EBF3: variants seen among roughly 807,000 people sequenced by gnomAD.
EBF3 encodes transcription factor COE3.
EBF3 carries 18 observed loss-of-function variants against 77.1 expected under a neutral mutation model. The observed-to-expected ratio is 0.23, with a 90% CI of 0.16 to 0.35. The LOEUF (loss-of-function observed/expected upper bound fraction) is 0.35, where lower values mean the gene tolerates loss of function less well. EBF3 is among the 10% of genes least tolerant of loss of function. The pLI is 1.00. For missense variants in EBF3, 558 were observed against 860.0 expected, an observed-to-expected ratio of 0.65 and a Z score of 4.39; for synonymous variants, 350 against 343.5, an observed-to-expected ratio of 1.02 and a Z score of -0.21.
chr10:129,920,482 G>A (rs1019022219), intron 6 of EBF3, among the ~76,000 whole-genome samples: 38 of 152,374 alleles, frequency 2.5e-4, no homozygotes, highest in Admixed American at 1.4e-3. Flanking sequence ...CATACCTGGA[G>A]CGACTCTGGG....
chr10:129,906,855 G>GA (rs565214750), intron 6 of EBF3, among the ~76,000 whole-genome samples: 15 of 149,628 alleles, frequency 1.0e-4, no homozygotes, highest in East Asian at 7.8e-4. Flanking sequence ...AAGTACCAGG[G>GA]AAAAAAAAAA....
intron 6 of EBF3, among the ~76,000 whole-genome samples, chr10:129,929,071 T>A (rs1265485295): frequency 1.3e-5 from 2 of 152,206 alleles, no homozygotes; most frequent in African/African-American, 4.8e-5. Flanking sequence ...TTCAGAATGA[T>A]GGAGTTTCAT....
In EBF3 at chr10:129,850,504, T is replaced by C. The variant is rs749339999; in HGVS notation, c.1040-2024A>G. ...TGCCAAGAATAAGCGCGGCACTCCATTGGAAGTTCGGATGTGAGGCGTAAT... is the reference window on the plus strand; with the variant it reads ...TGCCAAGAATAAGCGCGGCACTCCACTGGAAGTTCGGATGTGAGGCGTAAT... On this transcript the variant is annotated intron_variant, in intron 10 of 16. Transcript: ENST00000440978. Among the ~76,000 whole-genome samples, 7 of 152,150 alleles carry C rather than the reference T, an allele frequency of 4.6e-5. No homozygotes were observed. In the East Asian group the frequency reaches 5.8e-4, roughly 13 times the overall value.
chr10:129,952,535 G>A lies in EBF3; in HGVS notation c.554+4723C>T, dbSNP rs938697556. On this transcript the variant is annotated intron_variant, in intron 6 of 16. Transcript: ENST00000440978. The surrounding 1 kb of genome is among the most constrained non-coding windows in gnomAD (Gnocchi z 4.7). Reference sequence around the variant, plus strand: ...TTTACATAGCATTTTTAACAAAAGCGTTGACCTTATAAATGCTGGCATTTG... The same window carrying A: ...TTTACATAGCATTTTTAACAAAAGCATTGACCTTATAAATGCTGGCATTTG... Among the ~76,000 whole-genome samples the A allele has an allele frequency of 2.6e-5, 4 of 152,136 alleles. No individual in the cohort carries two copies. Among genetic ancestry groups the A allele is most frequent in the East Asian group, 1.9e-4 (1 of 5,194 alleles).
At chr10:129,941,892 T>C (rs1475167286) in intron 6 of EBF3, among the ~76,000 whole-genome samples, 1 of 152,208 alleles carries the variant, frequency 6.6e-6, no homozygotes, top group East Asian at 1.9e-4. Context: ...CAGGGCCAGG[T>C]GCTGGGTGAG....
At chr10:129,911,952 C>A (rs1363451253) in intron 6 of EBF3, among the ~76,000 whole-genome samples, 1 of 152,168 alleles carries the variant, frequency 6.6e-6, no homozygotes, top group African/African-American at 2.4e-5. Context: ...CCCAGAGCAA[C>A]GCACGGCCCA....
intron 6 of EBF3, among the ~76,000 whole-genome samples, chr10:129,927,186 G>A (rs1286687607): frequency 1.3e-5 from 2 of 152,170 alleles, no homozygotes; most frequent in Admixed American, 1.3e-4. Flanking sequence ...AAAAATGCCC[G>A]TTCCCATTCT....
chr10:129,884,029 T>C (rs954521978), intron 6 of EBF3, among the ~76,000 whole-genome samples: 1 of 152,204 alleles, frequency 6.6e-6, no homozygotes, highest in Non-Finnish European at 1.5e-5. Context: ...TTTACTGTGC[T>C]ATTGAAATGA....
chr10:129,898,542 C>T (rs11596229), intron 6 of EBF3, among the ~76,000 whole-genome samples: 21,303 of 152,218 alleles, frequency 0.14, 1,930 homozygotes, highest in Admixed American at 0.21. Context: ...CCATGGCTCA[C>T]AAGCACGGTT....
chr10:129,937,147 G>A (rs1050506963), intron 6 of EBF3, among the ~76,000 whole-genome samples: 5 of 152,180 alleles, frequency 3.3e-5, no homozygotes, highest in South Asian at 2.1e-4. Context: ...CAATCGTGCC[G>A]GGAACAAGAT....
chr10:129,896,850 C>T (rs1461647021), intron 6 of EBF3, among the ~76,000 whole-genome samples: 1 of 152,234 alleles, frequency 6.6e-6, no homozygotes, highest in African/African-American at 2.4e-5. Context: ...GCAGGGGAGT[C>T]GACCATTAAA....
intron 6 of EBF3, among the ~76,000 whole-genome samples, chr10:129,895,462 C>T (rs935709883): frequency 1.3e-5 from 2 of 152,260 alleles, no homozygotes; most frequent in African/African-American, 4.8e-5. Flanking sequence ...ACTGGAGAAG[C>T]TCCCTTGTTC....
intron 6 of EBF3, among the ~76,000 whole-genome samples, chr10:129,887,944 C>T (rs181580443): frequency 1.7e-3 from 253 of 152,246 alleles, no homozygotes; most frequent in African/African-American, 5.6e-3. Flanking sequence ...TAGGGAAGCC[C>T]GGGACCATGC....
At chr10:129,959,356 C>G (rs1254989646) in intron 4 of EBF3, among the ~76,000 whole-genome samples, 1 of 151,994 alleles carries the variant, frequency 6.6e-6, no homozygotes, top group Admixed American at 6.5e-5. Flanking sequence ...GCACCGACCC[C>G]GGAACCCGGG....
chr10:129,912,273 C>G (rs1018934780), intron 6 of EBF3, among the ~76,000 whole-genome samples: 3 of 152,178 alleles, frequency 2.0e-5, no homozygotes, highest in Non-Finnish European at 4.4e-5. Context: ...TCCCCACTAT[C>G]AACAGTGTGG....
At chr10:129,937,083 G>A (rs1454438180) in intron 6 of EBF3, among the ~76,000 whole-genome samples, 6 of 152,204 alleles carry the variant, frequency 3.9e-5, no homozygotes, top group African/African-American at 9.7e-5. Context: ...GCTGCAGTGA[G>A]GAGGAGCCCA....
chr10:129,932,765 G>A (rs532828070), intron 6 of EBF3, among the ~76,000 whole-genome samples: 1 of 152,276 alleles, frequency 6.6e-6, no homozygotes, highest in South Asian at 2.1e-4. Flanking sequence ...TGCACAACTC[G>A]CTGACAGAGC....
intron 6 of EBF3, among the ~76,000 whole-genome samples, chr10:129,933,965 A>T (rs1589895976): frequency 6.6e-6 from 1 of 152,264 alleles, no homozygotes; most frequent in East Asian, 1.9e-4. Context: ...CGGGACACAG[A>T]CCAAGGCCCT....
intron 6 of EBF3, among the ~76,000 whole-genome samples, chr10:129,898,483 C>T (rs1375985356): frequency 6.6e-6 from 1 of 152,180 alleles, no homozygotes. Flanking sequence ...ACCTGAATTC[C>T]TCTCCTTGTT....
Sources: gnomAD v4.1 joint callset for allele counts (sites outside exome capture counted in the v4.1 genomes callset) on GRCh38, gnomAD v4.1.1 for gene constraint, Gnocchi (gnomAD v3.1) non-coding constraint, MANE v1.5 for transcripts, NCBI Gene and HGNC (gene_info 2026-07-23, HGNC 2026-07-21) for gene names.